The following BCL10 variants were observed in gnomAD, a reference collection of about 807,000 sequenced individuals.
BCL10 encodes BCL10 immune signaling adaptor.
A neutral mutation model predicts 19.2 loss-of-function variants in BCL10; 5 were observed. That is an observed-to-expected ratio of 0.26 (90% CI 0.14 to 0.55). The LOEUF is 0.55. Ranked by LOEUF, BCL10 falls within the 20% of genes least tolerant of loss-of-function variation. The pLI is 0.94. For synonymous variants in BCL10, 110 were observed against 98.8 expected (o/e 1.11, Z -0.67); for missense variants, 201 against 271.9 (o/e 0.74, Z 1.83).
chr1:85,276,459 G>T lies in BCL10; in HGVS notation c.-107C>A. Reference sequence around the variant, plus strand: ...CGGGTAATGGGGAAGAAGGAGAGGAGGCGGAGCGGGTCGGGAGAAAGACGG... The same window carrying T: ...CGGGTAATGGGGAAGAAGGAGAGGATGCGGAGCGGGTCGGGAGAAAGACGG... On this transcript the variant is annotated 5_prime_UTR_variant, in exon 1 of 3. Transcript: ENST00000648566. 7.6e-7 allele frequency: 1 copy of T among 1,322,912 alleles called. No individual in the cohort carries two copies. Among genetic ancestry groups the T allele is most frequent in the Non-Finnish European group, 1.1e-6 (1 of 930,676 alleles). 81.9% of individuals were successfully genotyped at this position (1,322,912 alleles called of 1,614,324 possible).
chr1:85,275,458 T>A (rs1442266819), intron 1 of BCL10, among the ~76,000 whole-genome samples: 1 of 152,216 alleles, frequency 6.6e-6, no homozygotes, highest in Non-Finnish European at 1.5e-5. Flanking sequence ...AAAGTTGCCA[T>A]CCTGTCCAGT....
At position 85,271,632 on chromosome 1, in the gene BCL10, C is replaced by T. The variant is rs867049979; in HGVS notation, c.58-726G>A. 4.6e-5 allele frequency among the ~76,000 whole-genome samples: 7 copies of T among 152,058 alleles called. No individual in the cohort carries two copies. The South Asian group carries it at 8.3e-4, about 18-fold the overall frequency. ...ATAAATGGCATTAATAATTTGGTAC[C>T]GGTGACTGTATTTTAGCTCCTCTAT... On this transcript the variant is annotated intron_variant, in intron 1 of 2. Coordinates refer to ENST00000648566, the MANE Select transcript of BCL10 (RefSeq NM_003921.5).
At chr1:85,269,923 A>T (rs931108209) in intron 2 of BCL10, among the ~76,000 whole-genome samples, 10 of 152,260 alleles carry the variant, frequency 6.6e-5, no homozygotes, top group African/African-American at 2.4e-4. Context: ...TCCTATAAAC[A>T]TATGCCAATT....
intron 1 of BCL10, among the ~76,000 whole-genome samples, chr1:85,272,352 C>T (rs1660389965): frequency 6.6e-6 from 1 of 151,718 alleles, no homozygotes. Context: ...ATCTTAGCCT[C>T]TTGAGTAGCT....
chr1:85,274,009 G>C (rs1660438888), intron 1 of BCL10, among the ~76,000 whole-genome samples: 1 of 152,110 alleles, frequency 6.6e-6, no homozygotes, highest in Non-Finnish European at 1.5e-5. Flanking sequence ...CCAGGGTCTT[G>C]CCTATTTTAG....
At chr1:85,269,231 C>T (rs1374958775) in intron 2 of BCL10, among the ~76,000 whole-genome samples, 1 of 152,196 alleles carries the variant, frequency 6.6e-6, no homozygotes, top group Non-Finnish European at 1.5e-5. Flanking sequence ...GAAATGAATA[C>T]ATTTCTTTTC....
Position 85,270,717 on chromosome 1 carries a change from C to T in BCL10, c.247G>A (p.Val83Ile). The part of the protein sequence containing the change: ...QENPKGLDTL[V>I]ESIRREKTQN... ...GTTTTTTCTCGCCGAATAGATTCAACAAGGGTGTCCAGACCTTTTGGGTTT... is the reference window on the plus strand; with the variant it reads ...GTTTTTTCTCGCCGAATAGATTCAATAAGGGTGTCCAGACCTTTTGGGTTT... The change falls in exon 2 of 3, where the codon GTT (valine) becomes ATT (isoleucine). Residue 83 changes from valine to isoleucine, a missense_variant. By Grantham distance (29) the Val-to-Ile change is conservative. Coordinates refer to ENST00000648566, the MANE Select transcript of BCL10 (RefSeq NM_003921.5). The T allele has an allele frequency of 2.5e-6, 4 of 1,614,024 alleles. No individual in the cohort carries two copies. The highest frequency in any genetic ancestry group is 3.4e-6 in the Non-Finnish European group (4 of 1,179,976).
rs766566775 is a variant in BCL10, at chr1:85,276,282, G to C, written c.57+14C>G. ...CCCGCCCCCGCCCGCCCTGGGCACAGCTGCGTTACTCACGTCCTTCTTCAC... is the reference window on the plus strand; with the variant it reads ...CCCGCCCCCGCCCGCCCTGGGCACACCTGCGTTACTCACGTCCTTCTTCAC... On this transcript the variant is annotated intron_variant, in intron 1 of 2. Coordinates refer to ENST00000648566, the MANE Select transcript of BCL10 (RefSeq NM_003921.5). The C allele has an allele frequency of 3.1e-6, 5 of 1,612,028 alleles. No homozygotes were observed. The highest frequency in any genetic ancestry group is 3.4e-6 in the Non-Finnish European group (4 of 1,178,282).
At chr1:85,270,933 G>T in intron 1 of BCL10, 27 bp from the exon 2 acceptor site, 1 of 1,580,952 alleles carries the variant, frequency 6.3e-7, no homozygotes. Flanking sequence ...ATGGTTCAAT[G>T]TTATTTTTAA....
At chr1:85,270,118 A>G (rs1467190771) in intron 2 of BCL10, among the ~76,000 whole-genome samples, 2 of 152,242 alleles carry the variant, frequency 1.3e-5, no homozygotes, top group African/African-American at 2.4e-5. Flanking sequence ...GGATTTCATA[A>G]TAGTTTTCTA....
At chr1:85,269,373 T>G (rs1366346708) in intron 2 of BCL10, among the ~76,000 whole-genome samples, 1 of 152,198 alleles carries the variant, frequency 6.6e-6, no homozygotes, top group African/African-American at 2.4e-5. Flanking sequence ...CAAACACAAT[T>G]TACCCTTCTG....
rs1448481921 is a variant in BCL10, at chr1:85,276,361, C to T, written c.-9G>A. 1 of 1,613,044 alleles carries T rather than the reference C, an allele frequency of 6.2e-7. No homozygotes were observed. The highest frequency in any genetic ancestry group is 1.1e-5 in the South Asian group (1 of 91,024). ...GGTGCGGTGGGCTCCATGGTGGAGG[C>T]GGGAGATGGCGCTTCTTCCGGGTCC... On this transcript the variant is annotated 5_prime_UTR_variant, in exon 1 of 3. Coordinates refer to ENST00000648566, the MANE Select transcript of BCL10 (RefSeq NM_003921.5).
Position 85,266,186 on chromosome 1 carries a change from C to A in BCL10, c.*1441G>T, listed in dbSNP as rs1338765554. Reference sequence around the variant, plus strand: ...GTAATGTTTTCTATAGATAATGGCACGTATTAAAAAAAGTTTTAGATACTT... The same window carrying A: ...GTAATGTTTTCTATAGATAATGGCAAGTATTAAAAAAAGTTTTAGATACTT... On this transcript the variant is annotated 3_prime_UTR_variant, in exon 3 of 3. Transcript: ENST00000648566. 5.4e-6 allele frequency: 1 copy of A among 186,592 alleles called. No homozygotes were observed. Among genetic ancestry groups the A allele is most frequent in the Non-Finnish European group, 1.1e-5 (1 of 88,382 alleles). The allele number at this position is 186,592 out of a possible 1,614,324, so 11.6% of individuals were successfully genotyped here. A position where few individuals can be genotyped will look rare whatever the true frequency, so the allele number is the denominator to read the frequency against.
intron 1 of BCL10, 151 bp downstream of exon 1, chr1:85,276,145 T>G (rs1198177207): frequency 1.1e-6 from 1 of 909,176 alleles, no homozygotes; most frequent in Non-Finnish European, 1.7e-6. Flanking sequence ...GTCCCTCGGA[T>G]GCAGGGCTCG....
chr1:85,274,860 C>G (rs1166093565), intron 1 of BCL10, among the ~76,000 whole-genome samples: 1 of 152,078 alleles, frequency 6.6e-6, no homozygotes, highest in Non-Finnish European at 1.5e-5. Flanking sequence ...ATGGTTTCCT[C>G]AAGGTTATTT....
At position 85,276,415 on chromosome 1, in the gene BCL10, G is replaced by C; in HGVS notation, c.-63C>G. On this transcript the variant is annotated 5_prime_UTR_variant, in exon 1 of 3. Coordinates refer to ENST00000648566, the MANE Select transcript of BCL10 (RefSeq NM_003921.5). ...AGCTCGGGCTGCGCCGCCCCGCCCT[G>C]GCTGGGGGCTTCGGCCTCCGGGTAA... The C allele has an allele frequency of 1.3e-6, 2 of 1,579,074 alleles. No homozygotes were observed. The highest frequency in any genetic ancestry group is 1.7e-6 in the Non-Finnish European group (2 of 1,149,728).
intron 2 of BCL10, 150 bp downstream of exon 2, chr1:85,270,468 T>C (rs1660339777): frequency 1.5e-6 from 1 of 679,632 alleles, no homozygotes; most frequent in South Asian, 2.0e-5. Flanking sequence ...AGACAAAGTC[T>C]CGCTATGTTG....
rs188648497 is a variant in BCL10, at chr1:85,268,717, G to A, written c.347-735C>T. On this transcript the variant is annotated intron_variant, in intron 2 of 2. Coordinates refer to ENST00000648566, the MANE Select transcript of BCL10 (RefSeq NM_003921.5). ...TGGGAGGCAGAGGTTGCAGTGAGCTGAGATCATGCCATTGCACTCCAGCCT... is the reference window on the plus strand; with the variant it reads ...TGGGAGGCAGAGGTTGCAGTGAGCTAAGATCATGCCATTGCACTCCAGCCT... 2.9e-3 allele frequency among the ~76,000 whole-genome samples: 424 copies of A among 143,942 alleles called. 2 individuals are homozygous for A. The highest frequency in any genetic ancestry group is 0.011 in the African/African-American group (406 of 38,334). 94.4% of individuals were successfully genotyped at this position (143,942 alleles called of 152,430 possible).
rs369858521 is a variant in BCL10, at chr1:85,276,287, G to A, written c.57+9C>T. ...CCCCGCCCGCCCTGGGCACAGCTGC[G>A]TTACTCACGTCCTTCTTCACTTCAG... On this transcript the variant is annotated intron_variant, in intron 1 of 2. Transcript: ENST00000648566. The A allele has an allele frequency of 1.3e-5, 21 of 1,612,254 alleles. No homozygotes were observed. The African/African-American group carries it at 2.4e-4, about 18-fold the overall frequency.
Sources: gnomAD v4.1 joint callset for allele counts (sites outside exome capture counted in the v4.1 genomes callset) on GRCh38, gnomAD v4.1.1 for gene constraint, MANE v1.5 for transcripts, NCBI Gene and HGNC (gene_info 2026-07-23, HGNC 2026-07-21) for gene names.